AR: variants seen among roughly 807,000 people sequenced by gnomAD.
The protein encoded by AR is dihydrotestosterone receptor.
A neutral mutation model predicts 53.9 loss-of-function variants in AR; 8 were observed. The ratio of observed to expected loss-of-function variants is 0.15; its 90% confidence interval spans 0.09 to 0.27. The LOEUF is 0.27. Among genes scored for constraint, AR ranks in the 10% least tolerant of loss-of-function variants. AR has a pLI of 1.00. For missense variants in AR, 639 were observed against 742.5 expected, an observed-to-expected ratio of 0.86 and a Z score of 1.62; for synonymous variants, 359 against 316.4, an observed-to-expected ratio of 1.13 and a Z score of -1.43.
chrX:67,694,830 A>T (rs1376157218), intron 3 of AR: 1 of 1,106,022 alleles, frequency 9.0e-7, no homozygotes, highest in East Asian at 3.4e-5. Context: ...TTGCTCCTCA[A>T]CACAGACTTT....
At chrX:67,693,986 C>T (rs1439659721) in intron 3 of AR, among the ~76,000 whole-genome samples, 2 of 111,610 alleles carry the variant, frequency 1.8e-5, no homozygotes, top group Non-Finnish European at 3.8e-5. Flanking sequence ...AAAACTTGGA[C>T]TGGCATTTGG....
chrX:67,717,516 A>G lies in AR; in HGVS notation c.2212A>G (p.Ile738Val). The change falls in exon 5 of 8, where the codon ATT becomes GTT. Residue 738 changes from isoleucine to valine, a missense_variant. Physicochemically the swap from Ile to Val is conservative, Grantham distance 29 (BLOSUM62 3). This residue lies in a region of AR where 95 missense variants were observed against 196.4 expected (regional missense o/e 0.48). Coordinates refer to ENST00000374690, the MANE Select transcript of AR (RefSeq NM_000044.6). ...NLHVDDQMAVIQYSWMGLMVF... is the reference protein window; with the variant it reads ...NLHVDDQMAVVQYSWMGLMVF... ...ACACGTGGACGACCAGATGGCTGTC[A>G]TTCAGTACTCCTGGATGGGGCTCAT... is the stretch of plus-strand genomic sequence containing the variant. 1 of 1,211,999 alleles carries G rather than the reference A, an allele frequency of 8.3e-7. No homozygotes were observed. The highest frequency in any genetic ancestry group is 1.1e-6 in the Non-Finnish European group (1 of 895,521).
chrX:67,625,294 G>T (rs1219710778), intron 1 of AR, among the ~76,000 whole-genome samples: 1 of 111,274 alleles, frequency 9.0e-6, no homozygotes, highest in Admixed American at 9.6e-5. Context: ...AACATCCCTT[G>T]TTCATGTACT....
chrX:67,689,915 A>G (rs959854579), intron 3 of AR, among the ~76,000 whole-genome samples: 5 of 111,780 alleles, frequency 4.5e-5, no homozygotes, highest in Non-Finnish European at 9.4e-5. Context: ...TGGAATGAGA[A>G]ATAAAGAAGT....
At chrX:67,598,809 G>C (rs1923203888) in intron 1 of AR, among the ~76,000 whole-genome samples, 1 of 109,641 alleles carries the variant, frequency 9.1e-6, no homozygotes, top group African/African-American at 3.3e-5. Flanking sequence ...CTCAGGGAAA[G>C]GTTTGAGGCA....
rs761077904 is a variant in AR, at chrX:67,568,991, T to C, written c.1616+22229T>C. 23 of 1,208,584 alleles carry C rather than the reference T, an allele frequency of 1.9e-5. No homozygotes were observed. In the South Asian group the frequency reaches 3.3e-4, roughly 18 times the overall value. ...TGCAGAGTGCTCCTGACATTGCCTG[T>C]CACTTTTTCCCATGATACTCTGGCT... is the stretch of plus-strand genomic sequence containing the variant. On this transcript the variant is annotated intron_variant, in intron 1 of 7. Coordinates refer to ENST00000374690, the MANE Select transcript of AR (RefSeq NM_000044.6).
At chrX:67,624,904 CAAAAAA>C (rs140323582) in intron 1 of AR, among the ~76,000 whole-genome samples, 7 of 18,179 alleles carry the variant, frequency 3.9e-4, no homozygotes, top group East Asian at 2.3e-3. Flanking sequence ...GGCAATTAGG[CAAAAAA>C]AAAAAAAAAA....
chrX:67,630,186 G>A (rs1436401063), intron 1 of AR, among the ~76,000 whole-genome samples: 4 of 110,450 alleles, frequency 3.6e-5, no homozygotes. Context: ...CAATTCCTGG[G>A]TATCCTTGTT....
chrX:67,574,468 C>T (rs1026468859), intron 1 of AR, among the ~76,000 whole-genome samples: 6 of 110,748 alleles, frequency 5.4e-5, no homozygotes, highest in African/African-American at 2.0e-4. Flanking sequence ...TCTCTGTGCT[C>T]CCCGTTTTAG....
In AR at chrX:67,725,248, A is replaced by G. The variant is rs767378466; in HGVS notation, c.*1407A>G. ...GCCAACAGCTCTGACATCTATCTGT[A>G]GATGCCAGTAGTCACAAAGATTTCT... On this transcript the variant is annotated 3_prime_UTR_variant, in exon 8 of 8. Coordinates refer to ENST00000374690, the MANE Select transcript of AR (RefSeq NM_000044.6). The G allele has an allele frequency of 2.9e-5, 5 of 173,155 alleles. No individual in the cohort carries two copies. Among genetic ancestry groups the G allele is most frequent in the Non-Finnish European group, 4.4e-5 (4 of 91,068 alleles). The allele number at this position is 173,155 out of a possible 1,213,427, so 14.3% of individuals were successfully genotyped here.
chrX:67,575,463 C>T (rs766449910), intron 1 of AR, among the ~76,000 whole-genome samples: 9 of 111,412 alleles, frequency 8.1e-5, no homozygotes, highest in African/African-American at 1.3e-4. Flanking sequence ...TGTATGGAAT[C>T]GTATGATATG....
At chrX:67,709,282 C>T (rs1292712157) in intron 3 of AR, among the ~76,000 whole-genome samples, 1 of 112,269 alleles carries the variant, frequency 8.9e-6, no homozygotes, top group African/African-American at 3.2e-5. Context: ...TTGCGGTAGG[C>T]TCCACCCAGT....
chrX:67,659,310 G>A (rs1926751715), intron 2 of AR, among the ~76,000 whole-genome samples: 1 of 110,087 alleles, frequency 9.1e-6, no homozygotes, highest in African/African-American at 3.3e-5. Context: ...TTGGTGTGCT[G>A]CACCCATTAA....
chrX:67,718,070 T>A (rs1330985758), intron 5 of AR, among the ~76,000 whole-genome samples: 2 of 112,489 alleles, frequency 1.8e-5, no homozygotes, highest in Non-Finnish European at 3.8e-5. Context: ...TCCTAGCTCA[T>A]TGAGTCCTCA....
intron 1 of AR, among the ~76,000 whole-genome samples, chrX:67,591,321 T>C (rs1922818741): frequency 9.1e-6 from 1 of 109,516 alleles, no homozygotes; most frequent in South Asian, 4.0e-4. Context: ...CGCTGTAAGG[T>C]TGAGAAAAAA....
intron 1 of AR, among the ~76,000 whole-genome samples, chrX:67,627,882 A>C (rs1174367123): frequency 8.9e-6 from 1 of 111,969 alleles, no homozygotes; most frequent in African/African-American, 3.2e-5. Flanking sequence ...AGCACCATTT[A>C]TTAAATAGGG....
intron 1 of AR, among the ~76,000 whole-genome samples, chrX:67,576,792 C>T (rs1016672300): frequency 1.8e-5 from 2 of 110,603 alleles, no homozygotes; most frequent in Non-Finnish European, 3.8e-5. Flanking sequence ...GGTGGAATAC[C>T]TTTTATGTGG....
In AR at chrX:67,728,459, A is replaced by G. The variant is rs764420251; in HGVS notation, c.*4618A>G. The G allele has an allele frequency of 0.012, 1,750 of 144,963 alleles. 13 individuals are homozygous for G. Among genetic ancestry groups the G allele is most frequent in the Non-Finnish European group, 0.019 (1,407 of 75,553 alleles). The allele number at this position is 144,963 out of a possible 1,213,427, so 11.9% of individuals were successfully genotyped here. A position where few individuals can be genotyped will look rare whatever the true frequency, so the allele number is the denominator to read the frequency against. ...CTAGATTTTGCACTAGAGGGACAGC[A>G]GGCAGAAATCCTTATTTCTGCCCAC... On this transcript the variant is annotated 3_prime_UTR_variant, in exon 8 of 8. Coordinates refer to ENST00000374690, the MANE Select transcript of AR (RefSeq NM_000044.6).
chrX:67,711,688 T>C lies in AR; in HGVS notation c.2172T>C (p.Pro724=), dbSNP rs2147525364. 4 of 1,202,023 alleles carry C rather than the reference T, an allele frequency of 3.3e-6. No homozygotes were observed. In the African/African-American group the frequency reaches 7.0e-5, roughly 21 times the overall value. ...VHVVKWAKAL[P]GFRNLHVDDQ... ...TGGTCAAGTGGGCCAAGGCCTTGCC[T>C]GGTAAGGAAAAGGGAAGTGGGAGCA... Residue 724 remains proline (P), a splice_region_variant and synonymous_variant, in exon 4 of 8, where the codon CCT becomes CCC. Transcript: ENST00000374690.
Sources: allele counts gnomAD v4.1 joint callset (sites outside exome capture counted in the v4.1 genomes callset), GRCh38; gene constraint gnomAD v4.1.1; regional missense constraint gnomAD v4.1.1; transcripts MANE v1.5; gene names NCBI Gene and HGNC (gene_info 2026-07-23, HGNC 2026-07-21).